The following GPR143 variants were observed in gnomAD, a reference collection of about 807,000 sequenced individuals.
GPR143 encodes the protein G protein-coupled receptor 143.
GPR143 carries 8 observed loss-of-function variants against 27.6 expected under a neutral mutation model. The observed-to-expected ratio is 0.29, with a 90% confidence interval of 0.17 to 0.52. The LOEUF (loss-of-function observed/expected upper bound fraction) is 0.52. Ranked by LOEUF, GPR143 falls within the 20% of genes least tolerant of loss-of-function variation. The pLI, the probability that GPR143 is intolerant of heterozygous loss-of-function variation, is 0.96. For synonymous variants in GPR143, 156 were observed against 153.2 expected (o/e 1.02, Z -0.13); for missense variants, 303 against 343.1 (o/e 0.88, Z 0.92).
chrX:9,754,352 C>A (rs1371624931), intron 3 of GPR143, among the ~76,000 whole-genome samples: 2 of 111,840 alleles, frequency 1.8e-5, no homozygotes, highest in African/African-American at 6.5e-5. Flanking sequence ...CCTAGCCTGG[C>A]TGGGCTGGGA....
chrX:9,748,173 A>C (rs2146691071), intron 4 of GPR143: 1 of 233,532 alleles, frequency 4.3e-6, no homozygotes, highest in South Asian at 5.8e-5. Context: ...ATTATCCTAC[A>C]CTCATTCCTA....
chrX:9,760,754 G>A lies in GPR143; in HGVS notation c.323C>T (p.Thr108Met), dbSNP rs747816338. The A allele has an allele frequency of 1.4e-5, 17 of 1,196,479 alleles. No individual in the cohort carries two copies. The East Asian group carries it at 1.8e-4, about 13-fold the overall frequency. ...GCAGAAAGCAGCAGGCCAAATTTCC[G>A]TGTGGTTCATATCCGAGACGCTGTC... ...FVDSVSDMNHTEIWPAAFCVG... is the reference protein window; with the variant it reads ...FVDSVSDMNHMEIWPAAFCVG... The change falls in exon 2 of 9, where the codon ACG becomes ATG. Residue 108 changes from threonine to methionine, a missense_variant. Transcript: ENST00000467482.
chrX:9,776,099 C>T (rs1001337022), intron 1 of GPR143, among the ~76,000 whole-genome samples: 16 of 112,233 alleles, frequency 1.4e-4, no homozygotes, highest in African/African-American at 5.2e-4. Context: ...ACCTCAGGGG[C>T]ATGGCTGCGG....
chrX:9,742,528 C>T (rs972502388), intron 6 of GPR143, among the ~76,000 whole-genome samples: 3 of 111,943 alleles, frequency 2.7e-5, no homozygotes, highest in African/African-American at 9.8e-5. Flanking sequence ...TACCACGACC[C>T]GCGCAGGTGA....
At chrX:9,738,511 A>G (rs1197717924) in intron 8 of GPR143, 2 of 744,395 alleles carry the variant, frequency 2.7e-6, no homozygotes, top group Non-Finnish European at 3.2e-6. Context: ...TCAACCAGAC[A>G]GTACGGTATC....
rs1819367950 is a variant in GPR143, at chrX:9,762,362, C to T, written c.251-1536G>A. Among the ~76,000 whole-genome samples, 4 of 110,064 alleles carry T rather than the reference C, an allele frequency of 3.6e-5. No individual in the cohort carries two copies. In the Admixed American group the frequency reaches 3.9e-4, roughly 11 times the overall value. ...CCAAGACTGTACCACTGCACTCCAG[C>T]CTGGGCGACAGAGTGAGACTCCATC... On this transcript the variant is annotated intron_variant, in intron 1 of 8. Transcript: ENST00000467482.
At chrX:9,759,216 A>G in intron 3 of GPR143, 116 bp downstream of exon 3, 2 of 532,061 alleles carry the variant, frequency 3.8e-6, no homozygotes, top group Non-Finnish European at 6.8e-6. Flanking sequence ...GCCAGCTGAC[A>G]GATTCTGAAT....
chrX:9,741,380 C>G lies in GPR143; in HGVS notation c.843G>C (p.Leu281Phe). Residue 281 changes from leucine to phenylalanine, a missense_variant, in exon 7 of 9, where the codon TTG (leucine) becomes TTC (phenylalanine). Transcript: ENST00000467482. ...TCTTGGCTGCAGTTCTGACAGGTTT[C>G]AAAGAACCTCCATTGATATCTGTTT... The part of the protein sequence containing the change: ...EMQTDINGGS[L>F]KPVRTAAKTT... The G allele has an allele frequency of 8.7e-7, 1 of 1,149,181 alleles. No homozygotes were observed. Among genetic ancestry groups the G allele is most frequent in the Non-Finnish European group, 1.2e-6 (1 of 839,911 alleles). The allele number at this position is 1,149,181 out of a possible 1,213,427, so 94.7% of individuals were successfully genotyped here.
chrX:9,753,029 T>C (rs2083458029), intron 3 of GPR143, among the ~76,000 whole-genome samples: 1 of 110,601 alleles, frequency 9.0e-6, no homozygotes, highest in Non-Finnish European at 1.9e-5. Flanking sequence ...GATAACCTAC[T>C]GAAGGGCTCT....
In GPR143 at chrX:9,765,555, C is replaced by T. The variant is rs1353828771; in HGVS notation, c.250+13G>A. The T allele has an allele frequency of 2.8e-6, 3 of 1,084,855 alleles. No individual in the cohort carries two copies. Among genetic ancestry groups the T allele is most frequent in the East Asian group, 4.0e-5 (1 of 25,310 alleles). 89.4% of individuals were successfully genotyped at this position (1,084,855 alleles called of 1,213,427 possible). A position where few individuals can be genotyped will look rare whatever the true frequency, so the allele number is the denominator to read the frequency against. ...TGATCAGATTCCAACCCGCGGGCCG[C>T]GCGCGCCCTTACCCAGGCAGCCGAG... On this transcript the variant is annotated intron_variant, in intron 1 of 8. Transcript: ENST00000467482.
chrX:9,766,162 A>C (rs965709564), upstream of GPR143: 6 of 139,746 alleles, frequency 4.3e-5, no homozygotes, highest in Admixed American at 8.8e-5. Flanking sequence ...TTTCTCTGCC[A>C]CCTAGAGCGC....
chrX:9,740,357 T>C (rs183908550), intron 7 of GPR143, among the ~76,000 whole-genome samples: 25 of 112,639 alleles, frequency 2.2e-4, no homozygotes, highest in Non-Finnish European at 1.5e-4. Flanking sequence ...TTGAAAGTCT[T>C]TGTAAATGAG....
intron 5 of GPR143, 85 bp downstream of exon 5, chrX:9,745,959 C>T (rs768544192): frequency 3.1e-4 from 185 of 596,129 alleles, no homozygotes; most frequent in Non-Finnish European, 4.9e-4. Context: ...TGGAGAATTC[C>T]AGGACAACAT....
chrX:9,733,955 C>A (rs1244067475), intron 8 of GPR143, among the ~76,000 whole-genome samples: 12 of 109,219 alleles, frequency 1.1e-4, no homozygotes, highest in Admixed American at 4.0e-4. Context: ...TGGTGGGTGC[C>A]TATAATCCCA....
At chrX:9,759,799 G>C (rs2083488161) in intron 2 of GPR143, among the ~76,000 whole-genome samples, 1 of 111,716 alleles carries the variant, frequency 9.0e-6, no homozygotes, top group Non-Finnish European at 1.9e-5. Context: ...AGAGAAGATG[G>C]AGTAAGGGGA....
intron 3 of GPR143, among the ~76,000 whole-genome samples, chrX:9,757,698 A>C (rs763704827): frequency 9.0e-6 from 1 of 111,555 alleles, no homozygotes; most frequent in African/African-American, 3.3e-5. Context: ...CTGTGAATAC[A>C]CGAAAAACCA....
At position 9,771,765 on chromosome X, in the gene GPR143, A is replaced by AGAG; in HGVS notation, c.-2-10942_-2-10940dup. On this transcript the variant is annotated intron_variant, in intron 1 of 7. Coordinates refer to the GPR143 transcript ENST00000447366. Reference sequence around the variant, plus strand: ...GCTCTGTTGCCCAGGCTGTGGCAATAGAGTGGTGTGATCTTGGCTCACTGC... The same window carrying AGAG: ...GCTCTGTTGCCCAGGCTGTGGCAATAGAGGAGTGGTGTGATCTTGGCTCACTGC... 3.1e-5 allele frequency among the ~76,000 whole-genome samples: 3 copies of AGAG among 97,684 alleles called. 1 individual carries two copies. In the Admixed American group the frequency reaches 3.6e-4, roughly 12 times the overall value. 84.8% of individuals were successfully genotyped at this position (97,684 alleles called of 115,157 possible). A position where few individuals can be genotyped will look rare whatever the true frequency, so the allele number is the denominator to read the frequency against.
upstream of GPR143, chrX:9,766,102 A>C (rs2083532321): frequency 4.7e-6 from 1 of 211,523 alleles, no homozygotes; most frequent in South Asian, 2.7e-4. Flanking sequence ...GGAGAAGCAG[A>C]AAGGTTGGGA....
chrX:9,740,355 CTT>C (rs752349040), intron 7 of GPR143, among the ~76,000 whole-genome samples: 28 of 112,678 alleles, frequency 2.5e-4, no homozygotes, highest in Non-Finnish European at 4.5e-4. Flanking sequence ...ATTTGAAAGT[CTT>C]TGTAAATGAG....
Sources: gnomAD v4.1 joint callset for allele counts (sites outside exome capture counted in the v4.1 genomes callset) on GRCh38, gnomAD v4.1.1 for gene constraint, MANE v1.5 for transcripts, NCBI Gene and HGNC (gene_info 2026-07-23, HGNC 2026-07-21) for gene names.